The following TNRC18 variants were observed in gnomAD, a reference collection of about 807,000 sequenced individuals.
TNRC18 encodes the protein trinucleotide repeat-containing gene 18 protein.
A neutral mutation model predicts 226.7 loss-of-function variants in TNRC18; 69 were observed. That is an observed-to-expected ratio of 0.30 (90% confidence interval 0.25 to 0.37). The LOEUF (loss-of-function observed/expected upper bound fraction) is 0.37. TNRC18 is among the 10% of genes least tolerant of loss of function. The pLI is 1.00. For missense variants in TNRC18, 4,754 were observed against 4,256.6 expected, an observed-to-expected ratio of 1.12 and a Z score of -3.25; for synonymous variants, 2,449 against 1,927.6, an observed-to-expected ratio of 1.27 and a Z score of -7.09.
intron 20 of TNRC18, 79 bp downstream of exon 20, chr7:5,325,017 C>T: frequency 1.4e-6 from 2 of 1,474,118 alleles, no homozygotes; most frequent in Non-Finnish European, 9.1e-7. Flanking sequence ...TACAGAGGAG[C>T]AGGTGGAGCC....
At position 5,389,314 on chromosome 7, in the gene TNRC18, C is replaced by A. The variant is rs199941680; in HGVS notation, c.510G>T (p.Ala170=). The A allele has an allele frequency of 1.6e-6, 2 of 1,281,290 alleles. No individual in the cohort carries two copies. The highest frequency in any genetic ancestry group is 2.7e-5 in the South Asian group (1 of 37,260). The allele number at this position is 1,281,290 out of a possible 1,614,324, so 79.4% of individuals were successfully genotyped here. ...GAGAGTGCAGGGAGCCCGGAGCCCC[C>A]GCGGTGGGCAGGTAGAAACCGTCTG... ...PGGDGFYLPT[A]GAPGSLHSHA... is the part of the protein sequence containing the mutation. The change falls in exon 5 of 30, where the codon GCG becomes GCT. Residue 170 remains alanine, a synonymous_variant. Transcript: ENST00000430969.
At position 5,375,951 on chromosome 7, in the gene TNRC18, T is replaced by C. The variant is rs1794628264; in HGVS notation, c.2799+83A>G. 5.9e-6 allele frequency: 8 copies of C among 1,362,156 alleles called. No individual in the cohort carries two copies. In the Admixed American group the frequency reaches 6.8e-5, roughly 12 times the overall value. The allele number at this position is 1,362,156 out of a possible 1,614,324, so 84.4% of individuals were successfully genotyped here. A position where few individuals can be genotyped will look rare whatever the true frequency, so the allele number is the denominator to read the frequency against. ...TGTTTTCTCCCTCCCTGTAACTGTCTGGAGATTCTGCTGGCTGACTCGTCT... is the reference window on the plus strand; with the variant it reads ...TGTTTTCTCCCTCCCTGTAACTGTCCGGAGATTCTGCTGGCTGACTCGTCT... On this transcript the variant is annotated intron_variant, in intron 9 of 29. Transcript: ENST00000430969.
At chr7:5,421,025 G>C (rs1245639299) in intron 2 of TNRC18, 35 bp downstream of exon 2, 10 of 1,536,910 alleles carry the variant, frequency 6.5e-6, no homozygotes, top group Non-Finnish European at 8.8e-6. Flanking sequence ...TCCCTGGGAA[G>C]ACAGGAGGGG....
chr7:5,341,696 G>T (rs566803097), intron 18 of TNRC18, among the ~76,000 whole-genome samples: 1 of 150,590 alleles, frequency 6.6e-6, no homozygotes, highest in Non-Finnish European at 1.5e-5. Flanking sequence ...CCTGGGAGGC[G>T]GAGGTTGCAG....
In TNRC18 at chr7:5,312,723, G is replaced by A. The variant is rs368992241; in HGVS notation, c.8168C>T (p.Ala2723Val). 1,542 of 1,562,370 alleles carry A rather than the reference G, an allele frequency of 9.9e-4. 1 individual carries two copies. The highest frequency in any genetic ancestry group is 1.2e-3 in the Non-Finnish European group (1,417 of 1,158,264). ...SAHSPGKKTPAPQPQAPPPQP... is the reference protein window; with the variant it reads ...SAHSPGKKTPVPQPQAPPPQP... Reference sequence around the variant, plus strand: ...CGGAGGAGGCGCCTGGGGCTGGGGCGCGGGCGTCTTCTTGCCTGGGGAGTG... The same window carrying A: ...CGGAGGAGGCGCCTGGGGCTGGGGCACGGGCGTCTTCTTGCCTGGGGAGTG... The change falls in exon 27 of 30, where the codon GCG becomes GTG. Residue 2723 changes from alanine (A) to valine (V), a missense_variant. Coordinates refer to ENST00000430969, the MANE Select transcript of TNRC18 (RefSeq NM_001080495.3). The surrounding 1 kb of genome is among the most constrained non-coding windows in gnomAD (Gnocchi z 6.3).
Position 5,337,495 on chromosome 7 carries a change from G to C in TNRC18, c.5720-4446C>G, listed in dbSNP as rs183152737. 1.1e-3 allele frequency among the ~76,000 whole-genome samples: 149 copies of C among 140,856 alleles called. 2 individuals are homozygous for C. The highest frequency in any genetic ancestry group is 3.6e-3 in the African/African-American group (144 of 40,072). The allele number at this position is 140,856 out of a possible 152,430, so 92.4% of individuals were successfully genotyped here. A position where few individuals can be genotyped will look rare whatever the true frequency, so the allele number is the denominator to read the frequency against. On this transcript the variant is annotated intron_variant, in intron 18 of 29. Transcript: ENST00000430969. ...TGAGACTGTTTCAAAAAAAAAAAAG[G>C]AACACCAAGAAAATTCCTCACCAGC...
chr7:5,379,064 G>C (rs914176401), intron 5 of TNRC18, among the ~76,000 whole-genome samples: 4 of 152,038 alleles, frequency 2.6e-5, no homozygotes, highest in African/African-American at 9.7e-5. Context: ...AGGCGTGGTG[G>C]TGCGCACCTG....
chr7:5,415,712 T>G (rs1468033208), intron 2 of TNRC18, among the ~76,000 whole-genome samples: 1 of 151,846 alleles, frequency 6.6e-6, no homozygotes, highest in Non-Finnish European at 1.5e-5. Context: ...GTTTTACATT[T>G]TTAAACATCA....
At position 5,307,794 on chromosome 7, in the gene TNRC18, C is replaced by G. The variant is rs1786699601; in HGVS notation, c.*312G>C. 2.3e-6 allele frequency: 1 copy of G among 427,982 alleles called. No homozygotes were observed. The highest frequency in any genetic ancestry group is 2.0e-5 in the African/African-American group (1 of 49,594). The allele number at this position is 427,982 out of a possible 1,614,324, so 26.5% of individuals were successfully genotyped here. A position where few individuals can be genotyped will look rare whatever the true frequency, so the allele number is the denominator to read the frequency against. ...CCCCACGCAGCAGCAGCCTGGAGGG[C>G]CGGCCTGGCCAAGTGCTTGCAACGT... On this transcript the variant is annotated 3_prime_UTR_variant, in exon 30 of 30. Transcript: ENST00000430969.
At chr7:5,368,444 C>T (rs528393528) in intron 11 of TNRC18, among the ~76,000 whole-genome samples, 1,880 of 152,118 alleles carry the variant, frequency 0.012, 43 homozygotes, top group African/African-American at 0.043. Context: ...GGGTGGATCA[C>T]TTGAGGTCAG....
intron 21 of TNRC18, among the ~76,000 whole-genome samples, chr7:5,321,961 G>A (rs577387781): frequency 7.1e-4 from 108 of 151,788 alleles, no homozygotes; most frequent in African/African-American, 2.3e-3. Context: ...GTGAGCCACC[G>A]TGCCCGGCCT....
Position 5,357,188 on chromosome 7 carries a change from T to C in TNRC18, c.4922A>G (p.Lys1641Arg). ...DKALSLTKQD[K>R]LKSPFKFSDS... ...CGAAAACTTGAAGGGCGACTTCAACTTGTCCTGCTTGGTGAGGGAGAGGGC... is the reference window on the plus strand; with the variant it reads ...CGAAAACTTGAAGGGCGACTTCAACCTGTCCTGCTTGGTGAGGGAGAGGGC... Residue 1641 changes from lysine (K) to arginine (R), a missense_variant, in exon 16 of 30, where the codon AAG (lysine) becomes AGG (arginine). Lys to Arg is a conservative substitution (Grantham distance 26). Transcript: ENST00000430969. The C allele has an allele frequency of 1.2e-6, 2 of 1,610,432 alleles. No individual in the cohort carries two copies. Among genetic ancestry groups the C allele is most frequent in the African/African-American group, 1.3e-5 (1 of 75,022 alleles).
intron 18 of TNRC18, 144 bp from the exon 19 acceptor site, chr7:5,333,193 GC>G: frequency 1.0e-6 from 1 of 984,494 alleles, no homozygotes; most frequent in Non-Finnish European, 1.5e-6. Context: ...GGAAACTGAG[GC>G]CCAGAGGAGA....
chr7:5,408,799 G>C (rs574235220), intron 2 of TNRC18, among the ~76,000 whole-genome samples: 1 of 152,320 alleles, frequency 6.6e-6, no homozygotes, highest in South Asian at 2.1e-4. Flanking sequence ...AGAGACCCTA[G>C]TACCTGTAAA....
chr7:5,356,818 G>C (rs1304542831), intron 16 of TNRC18, 98 bp downstream of exon 16: 4 of 1,368,616 alleles, frequency 2.9e-6, no homozygotes, highest in South Asian at 1.5e-5. Flanking sequence ...GAGCGAGAGA[G>C]AGAGTGAGGG....
intron 19 of TNRC18, 88 bp downstream of exon 19, chr7:5,332,534 G>T (rs952222040): frequency 1.4e-6 from 2 of 1,395,992 alleles, no homozygotes; most frequent in Admixed American, 3.2e-5. Flanking sequence ...CAGTGAAGCC[G>T]CTTCCCTAGG....
In TNRC18 at chr7:5,376,016, T is replaced by C. The variant is rs965416557; in HGVS notation, c.2799+18A>G. ...GGGGGCCCCCAGAGGGAGCTGCGCC[T>C]CATCCTCCCCGACTTACCACGAGCT... On this transcript the variant is annotated intron_variant, in intron 9 of 29. Coordinates refer to ENST00000430969, the MANE Select transcript of TNRC18 (RefSeq NM_001080495.3). 9 of 1,577,456 alleles carry C rather than the reference T, an allele frequency of 5.7e-6. No homozygotes were observed. In the Admixed American group the frequency reaches 1.1e-4, roughly 19 times the overall value.
At position 5,359,420 on chromosome 7, in the gene TNRC18, G is replaced by A. The variant is rs759382667; in HGVS notation, c.4811C>T (p.Ala1604Val). ...GRNQTWDEHE[A>V]SSDFISQLKI... is the part of the protein sequence containing the mutation. ...CACCTGACTGATGAAGTCCGACGAG[G>A]CCTCATGTTCATCCCAAGTCTGGTT... The change falls in exon 15 of 30, where the codon GCC (alanine) becomes GTC (valine). Residue 1604 changes from alanine (A) to valine (V), a missense_variant. Physicochemically the swap from Ala to Val is moderately conservative, Grantham distance 64. Coordinates refer to ENST00000430969, the MANE Select transcript of TNRC18 (RefSeq NM_001080495.3). The A allele has an allele frequency of 1.2e-6, 2 of 1,614,028 alleles. No individual in the cohort carries two copies.
Position 5,371,382 on chromosome 7 carries a change from G to A in TNRC18, c.3230-18C>T. 6.7e-7 allele frequency: 1 copy of A among 1,495,390 alleles called. No homozygotes were observed. Among genetic ancestry groups the A allele is most frequent in the Admixed American group, 2.3e-5 (1 of 43,784 alleles). 92.6% of individuals were successfully genotyped at this position (1,495,390 alleles called of 1,614,324 possible). A position where few individuals can be genotyped will look rare whatever the true frequency, so the allele number is the denominator to read the frequency against. On this transcript the variant is annotated intron_variant, in intron 10 of 29. Transcript: ENST00000430969. The stretch of plus-strand genomic sequence containing the variant: ...CGGGATATCTGCCAAGGACACAGGG[G>A]TCAGCATGGGAGCCCTAGGATCTGA...
Sources: gnomAD v4.1 joint callset for allele counts (sites outside exome capture counted in the v4.1 genomes callset) on GRCh38, gnomAD v4.1.1 for gene constraint, Gnocchi (gnomAD v3.1) non-coding constraint, MANE v1.5 for transcripts, NCBI Gene and HGNC (gene_info 2026-07-23, HGNC 2026-07-21) for gene names.